The following CNTN5 variants were observed in gnomAD, a reference collection of about 807,000 sequenced individuals.
The protein encoded by CNTN5 is contactin-5.
Under a neutral mutation model 129.1 loss-of-function variants are expected in CNTN5, and 77 were observed. The ratio of observed to expected loss-of-function variants is 0.60; its 90% CI spans 0.50 to 0.72. The LOEUF (loss-of-function observed/expected upper bound fraction) is 0.72, where lower values mean the gene tolerates loss of function less well. Among genes scored for constraint, CNTN5 ranks in the 30% least tolerant of loss-of-function variants. The pLI is 0.00. For synonymous variants in CNTN5, 509 were observed against 465.6 expected (o/e 1.09, Z -1.20); for missense variants, 1,478 against 1,328.8 (o/e 1.11, Z -1.75).
intron 9 of CNTN5, among the ~76,000 whole-genome samples, chr11:100,045,765 A>G (rs1306014642): frequency 6.6e-6 from 1 of 151,722 alleles, no homozygotes; most frequent in Non-Finnish European, 1.5e-5. Flanking sequence ...TAGAGATGCC[A>G]TCACACAAAC....
intron 3 of CNTN5, among the ~76,000 whole-genome samples, chr11:99,801,166 G>T (rs564587542): frequency 2.0e-5 from 3 of 152,258 alleles, no homozygotes; most frequent in East Asian, 1.9e-4. Flanking sequence ...GTCTGCAAAA[G>T]ATTTTATTAT....
intron 6 of CNTN5, among the ~76,000 whole-genome samples, chr11:99,879,094 C>T (rs188470030): frequency 5.3e-5 from 8 of 151,978 alleles, no homozygotes; most frequent in African/African-American, 1.7e-4. Flanking sequence ...CGTACCACTA[C>T]GCCCAGTTAA....
intron 1 of CNTN5, among the ~76,000 whole-genome samples, chr11:99,309,826 T>A (rs1438172913): frequency 6.6e-6 from 1 of 152,176 alleles, no homozygotes; most frequent in Non-Finnish European, 1.5e-5. Flanking sequence ...TTTTTAAAAA[T>A]TTAACTATTA....
intron 1 of CNTN5, among the ~76,000 whole-genome samples, chr11:99,308,534 A>T (rs1168731402): frequency 3.9e-5 from 6 of 152,190 alleles, no homozygotes; most frequent in South Asian, 4.1e-4. Flanking sequence ...AAAATTGAAC[A>T]TAAAATATAG....
At chr11:99,487,516 C>G (rs1945864083) in intron 2 of CNTN5, among the ~76,000 whole-genome samples, 1 of 152,172 alleles carries the variant, frequency 6.6e-6, no homozygotes, top group African/African-American at 2.4e-5. Context: ...ACCTGGGAAG[C>G]CAGACATCCC....
chr11:99,280,664 C>T (rs1188376860), intron 1 of CNTN5, among the ~76,000 whole-genome samples: 1 of 151,676 alleles, frequency 6.6e-6, no homozygotes, highest in Non-Finnish European at 1.5e-5. Flanking sequence ...ATACAGTATA[C>T]AGTATTATTT....
intron 3 of CNTN5, among the ~76,000 whole-genome samples, chr11:99,793,601 A>T (rs1009564232): frequency 2.6e-5 from 4 of 152,168 alleles, no homozygotes; most frequent in African/African-American, 9.7e-5. Flanking sequence ...TATGTGTCCC[A>T]GAGATTATTG....
chr11:99,347,577 T>C (rs1016340689), intron 2 of CNTN5, among the ~76,000 whole-genome samples: 1 of 152,186 alleles, frequency 6.6e-6, no homozygotes, highest in African/African-American at 2.4e-5. Flanking sequence ...GTCCCACTTT[T>C]CATGAGTCTG....
chr11:99,198,368 A>G (rs1859009134), intron 1 of CNTN5, among the ~76,000 whole-genome samples: 1 of 152,106 alleles, frequency 6.6e-6, no homozygotes, highest in Admixed American at 6.5e-5. Context: ...CAGATTACAT[A>G]ATGTTTGCAG....
At chr11:100,043,922 A>C (rs934120447) in intron 9 of CNTN5, among the ~76,000 whole-genome samples, 1 of 152,110 alleles carries the variant, frequency 6.6e-6, no homozygotes, top group African/African-American at 2.4e-5. Context: ...CAAGGGGTAC[A>C]AGTGCAGTTT....
At chr11:99,962,657 A>C (rs1047656769) in intron 8 of CNTN5, among the ~76,000 whole-genome samples, 28 of 150,526 alleles carry the variant, frequency 1.9e-4, no homozygotes, top group Admixed American at 2.7e-4. Context: ...ATTTATAGTC[A>C]TTTGGTTATA....
At chr11:100,163,548 C>T (rs1032859978) in intron 13 of CNTN5, among the ~76,000 whole-genome samples, 2 of 151,852 alleles carry the variant, frequency 1.3e-5, no homozygotes, top group African/African-American at 4.8e-5. Context: ...TCAATAAATA[C>T]AGTATACAAC....
intron 1 of CNTN5, among the ~76,000 whole-genome samples, chr11:99,224,139 T>A (rs1416669734): frequency 2.0e-5 from 3 of 152,184 alleles, no homozygotes; most frequent in Non-Finnish European, 4.4e-5. Context: ...CTGCAGATAA[T>A]GTAATAGAAA....
intron 1 of CNTN5, among the ~76,000 whole-genome samples, chr11:99,232,782 A>G (rs1347142177): frequency 1.3e-5 from 2 of 152,200 alleles, no homozygotes; most frequent in Non-Finnish European, 2.9e-5. Context: ...AAATTAACGT[A>G]TACTTATCTC....
At chr11:99,856,898 A>G (rs989898562) in intron 6 of CNTN5, among the ~76,000 whole-genome samples, 2 of 152,142 alleles carry the variant, frequency 1.3e-5, no homozygotes, top group Admixed American at 6.5e-5. Flanking sequence ...CTCATTTATG[A>G]TATCATGTCT....
At position 99,549,149 on chromosome 11, in the gene CNTN5, T is replaced by C. The variant is rs1494464; in HGVS notation, c.-70-6996T>C. Among the ~76,000 whole-genome samples, 744 of 152,138 alleles carry C rather than the reference T, an allele frequency of 4.9e-3. 41 individuals are homozygous for C. In the East Asian group the frequency reaches 0.11, roughly 23 times the overall value. On this transcript the variant is annotated intron_variant, in intron 2 of 24. Transcript: ENST00000524871. The stretch of plus-strand genomic sequence containing the variant: ...TGAAAAGTCAAATATCTGAAGTCTT[T>C]GCTGGTATGATTCTGACCTTTATCA...
chr11:99,229,985 G>C (rs560731331), intron 1 of CNTN5, among the ~76,000 whole-genome samples: 1 of 151,894 alleles, frequency 6.6e-6, no homozygotes, highest in East Asian at 1.9e-4. Flanking sequence ...ACAATTTTTA[G>C]AAAAAGAGGT....
intron 2 of CNTN5, among the ~76,000 whole-genome samples, chr11:99,490,841 G>T (rs1946007100): frequency 6.6e-6 from 1 of 152,000 alleles, no homozygotes; most frequent in African/African-American, 2.4e-5. Flanking sequence ...AAATACTTCT[G>T]AGTCCCATGG....
At chr11:100,324,308 A>T (rs1951750333) in intron 21 of CNTN5, among the ~76,000 whole-genome samples, 1 of 152,168 alleles carries the variant, frequency 6.6e-6, no homozygotes, top group Admixed American at 6.5e-5. Context: ...GAATGGCTAT[A>T]CATTGTGAAG....
Sources: allele counts gnomAD v4.1 joint callset (sites outside exome capture counted in the v4.1 genomes callset), GRCh38; gene constraint gnomAD v4.1.1; transcripts MANE v1.5; gene names NCBI Gene and HGNC (gene_info 2026-07-23, HGNC 2026-07-21).